Variants in DERA observed in about 807,000 individuals in gnomAD.
DERA encodes the protein deoxyribose-phosphate aldolase.
DERA carries 15 observed loss-of-function variants against 41.1 expected under a neutral mutation model. That is an observed-to-expected ratio of 0.37 (90% confidence interval 0.24 to 0.56). The LOEUF is 0.56. Among genes scored for constraint, DERA ranks in the 20% least tolerant of loss-of-function variants. The probability of loss-of-function intolerance (pLI) is 0.81; values close to 1 mark genes in which losing one functional copy is unlikely to be tolerated. For synonymous variants in DERA, 139 were observed against 137.4 expected, an observed-to-expected ratio of 1.01 and a Z score of -0.08; for missense variants, 396 against 403.4, an observed-to-expected ratio of 0.98 and a Z score of 0.16.
At chr12:16,028,549 C>A (rs577136103) in intron 6 of DERA, among the ~76,000 whole-genome samples, 12 of 152,278 alleles carry the variant, frequency 7.9e-5, no homozygotes, top group African/African-American at 2.9e-4. Flanking sequence ...ATAATGACTT[C>A]TTTTCAAAGA....
In DERA at chr12:15,984,288, T is replaced by C. The variant is rs1948750708; in HGVS notation, c.637+1852T>C. 6.6e-6 allele frequency among the ~76,000 whole-genome samples: 1 copy of C among 152,238 alleles called. No individual in the cohort carries two copies. The highest frequency in any genetic ancestry group is 2.4e-5 in the African/African-American group (1 of 41,552). On this transcript the variant is annotated intron_variant, in intron 6 of 8. Transcript: ENST00000428559. The surrounding 1 kb of genome is among the most constrained non-coding windows in gnomAD (Gnocchi z 4.5). ...TCCTACGCACAGCACCTACTACTCA[T>C]GATACAAATGTGGTATTAGGTCATC...
rs568761375 is a variant in DERA at position 16,003,114 on chromosome 12, GT to G, written c.637+20682del. On this transcript the variant is annotated intron_variant, in intron 6 of 8. Transcript: ENST00000428559. The surrounding 1 kb of genome is among the most constrained non-coding windows in gnomAD (Gnocchi z 4.8). ...TTCTGAGGGCTATGAGAAAGAATCT[GT>G]TTTGTGGCTCTCCCCTTACTTGCAG... 1.5e-3 allele frequency among the ~76,000 whole-genome samples: 227 copies of G among 152,264 alleles called. No individual in the cohort carries two copies. Among genetic ancestry groups the G allele is most frequent in the African/African-American group, 5.1e-3 (212 of 41,548 alleles).
chr12:15,946,429 A>T (rs1459406158), intron 1 of DERA, among the ~76,000 whole-genome samples: 1 of 152,074 alleles, frequency 6.6e-6, no homozygotes, highest in East Asian at 1.9e-4. Context: ...CTATTCAGGG[A>T]TTCAACTTCT....
In DERA at chr12:16,020,747, A is replaced by G. The variant is rs770479028; in HGVS notation, c.638-11795A>G. Reference sequence around the variant, plus strand: ...AAGGCTGAGGAGGTCTCAGATGGAAATGAGGAAGTTATTGAGAACTGGAGT... The same window carrying G: ...AAGGCTGAGGAGGTCTCAGATGGAAGTGAGGAAGTTATTGAGAACTGGAGT... On this transcript the variant is annotated intron_variant, in intron 6 of 8. Transcript: ENST00000428559. This position sits in a 1 kb window ranked among gnomAD's most constrained non-coding sequence, Gnocchi z 5.5. 5.3e-5 allele frequency among the ~76,000 whole-genome samples: 8 copies of G among 152,222 alleles called. No homozygotes were observed. Among genetic ancestry groups the G allele is most frequent in the Non-Finnish European group, 1.2e-4 (8 of 68,042 alleles).
chr12:15,977,298 C>T (rs998705399), intron 5 of DERA, among the ~76,000 whole-genome samples: 3 of 152,092 alleles, frequency 2.0e-5, no homozygotes, highest in African/African-American at 4.8e-5. Context: ...TGAGTGTACA[C>T]GTGCATGCAT....
At position 16,020,469 on chromosome 12, in the gene DERA, A is replaced by G. The variant is rs1465140473; in HGVS notation, c.638-12073A>G. 1.3e-5 allele frequency among the ~76,000 whole-genome samples: 2 copies of G among 152,208 alleles called. No homozygotes were observed. Among genetic ancestry groups the G allele is most frequent in the East Asian group, 1.9e-4 (1 of 5,196 alleles). On this transcript the variant is annotated intron_variant, in intron 6 of 8. Transcript: ENST00000428559. The surrounding 1 kb of genome is among the most constrained non-coding windows in gnomAD (Gnocchi z 5.5). ...TTGGGCAGAGACACAGACCTAAACC[A>G]TATCACTCAGCCTCAGATATTCCTT... is the stretch of plus-strand genomic sequence containing the variant.
intron 1 of DERA, among the ~76,000 whole-genome samples, chr12:15,953,625 C>G (rs1948515464): frequency 6.6e-6 from 1 of 152,146 alleles, no homozygotes. Flanking sequence ...TATCTGTTCT[C>G]CCCAAAGGCA....
chr12:15,912,442 G>T (rs1485261117), intron 1 of DERA, among the ~76,000 whole-genome samples: 3 of 152,156 alleles, frequency 2.0e-5, no homozygotes. Context: ...TCAAGAGAAG[G>T]TTTAAGCGTC....
At chr12:16,025,522 T>C (rs1949047674) in intron 6 of DERA, among the ~76,000 whole-genome samples, 1 of 152,058 alleles carries the variant, frequency 6.6e-6, no homozygotes, top group South Asian at 2.1e-4. Flanking sequence ...TATGTATGTA[T>C]GCACCTAGCC....
rs1478910281 is a variant in DERA at position 15,965,253 on chromosome 12, A to G, written c.508+2306A>G. On this transcript the variant is annotated intron_variant, in intron 5 of 8. Coordinates refer to ENST00000428559, the MANE Select transcript of DERA (RefSeq NM_015954.4). This position sits in a 1 kb window ranked among gnomAD's most constrained non-coding sequence, Gnocchi z 4.1. ...CCAGGGCCCTCTCCCTTGTGCAGTG[A>G]GGTTTGTAGGATATTTGGTAAAGCA... 6.6e-6 allele frequency among the ~76,000 whole-genome samples: 1 copy of G among 152,162 alleles called. No homozygotes were observed. Among genetic ancestry groups the G allele is most frequent in the Non-Finnish European group, 1.5e-5 (1 of 68,020 alleles).
chr12:15,924,419 A>G lies in DERA; in HGVS notation c.31+13005A>G. ...TCTAAAATTAAAATGTATATATATAAAAGTTAAATAATTGAACTCAGTAAA... is the reference window on the plus strand; with the variant it reads ...TCTAAAATTAAAATGTATATATATAGAAGTTAAATAATTGAACTCAGTAAA... On this transcript the variant is annotated intron_variant, in intron 1 of 8. Transcript: ENST00000428559. This position sits in a 1 kb window ranked among gnomAD's most constrained non-coding sequence, Gnocchi z 5.0. Among the ~76,000 whole-genome samples the G allele has an allele frequency of 6.6e-6, 1 of 152,326 alleles. No homozygotes were observed. The highest frequency in any genetic ancestry group is 1.9e-4 in the East Asian group (1 of 5,186).
chr12:15,957,879 C>T lies in DERA; in HGVS notation c.130-309C>T, dbSNP rs1948552289. The stretch of plus-strand genomic sequence containing the variant: ...TCAGGGTGGCTCTGATGGGCTCTCC[C>T]TTTGGCTGAGATGGAGTAGTCAGAA... On this transcript the variant is annotated intron_variant, in intron 2 of 8. Coordinates refer to ENST00000428559, the MANE Select transcript of DERA (RefSeq NM_015954.4). The surrounding 1 kb of genome is among the most constrained non-coding windows in gnomAD (Gnocchi z 4.8). Among the ~76,000 whole-genome samples, 1 of 152,106 alleles carries T rather than the reference C, an allele frequency of 6.6e-6. No individual in the cohort carries two copies. Among genetic ancestry groups the T allele is most frequent in the South Asian group, 2.1e-4 (1 of 4,832 alleles).
rs1168008929 is a variant in DERA at position 16,014,055 on chromosome 12, A to G, written c.638-18487A>G. 6.6e-6 allele frequency among the ~76,000 whole-genome samples: 1 copy of G among 152,216 alleles called. No homozygotes were observed. Among genetic ancestry groups the G allele is most frequent in the African/African-American group, 2.4e-5 (1 of 41,466 alleles). On this transcript the variant is annotated intron_variant, in intron 6 of 8. Coordinates refer to ENST00000428559, the MANE Select transcript of DERA (RefSeq NM_015954.4). This position sits in a 1 kb window ranked among gnomAD's most constrained non-coding sequence, Gnocchi z 5.4. Reference sequence around the variant, plus strand: ...GAGGTGACTGGGTGTTCTTAAAAGCATTCAGATGTATGCCTTCACAAGGAG... The same window carrying G: ...GAGGTGACTGGGTGTTCTTAAAAGCGTTCAGATGTATGCCTTCACAAGGAG...
At chr12:16,006,128 A>G (rs773434083) in intron 6 of DERA, among the ~76,000 whole-genome samples, 4 of 152,236 alleles carry the variant, frequency 2.6e-5, no homozygotes, top group Non-Finnish European at 1.5e-5. Context: ...GATGAGAACT[A>G]GATGTGGACT....
In DERA at chr12:15,984,897, A is replaced by G. The variant is rs1948754370; in HGVS notation, c.637+2461A>G. Reference sequence around the variant, plus strand: ...CCCAATTTTATATGTAACTTGCACAAACTAATCTCCCCAAAAGTAATTTAC... The same window carrying G: ...CCCAATTTTATATGTAACTTGCACAGACTAATCTCCCCAAAAGTAATTTAC... On this transcript the variant is annotated intron_variant, in intron 6 of 8. Transcript: ENST00000428559. The surrounding 1 kb of genome is among the most constrained non-coding windows in gnomAD (Gnocchi z 4.5). 6.6e-6 allele frequency among the ~76,000 whole-genome samples: 1 copy of G among 152,228 alleles called. No homozygotes were observed. Among genetic ancestry groups the G allele is most frequent in the African/African-American group, 2.4e-5 (1 of 41,470 alleles).
chr12:15,985,842 T>G lies in DERA; in HGVS notation c.637+3406T>G, dbSNP rs1277277555. Among the ~76,000 whole-genome samples the G allele has an allele frequency of 6.6e-6, 1 of 152,200 alleles. No individual in the cohort carries two copies. The highest frequency in any genetic ancestry group is 1.5e-5 in the Non-Finnish European group (1 of 68,024). ...CAAGTGCACTTAAAAGAATGTGTAT[T>G]TCAGATGTTAGAGCAAATGTCAGAT... On this transcript the variant is annotated intron_variant, in intron 6 of 8. Transcript: ENST00000428559. This position sits in a 1 kb window ranked among gnomAD's most constrained non-coding sequence, Gnocchi z 4.2.
rs1417529175 is a variant in DERA, at chr12:15,983,621, T to C, written c.637+1185T>C. On this transcript the variant is annotated intron_variant, in intron 6 of 8. Transcript: ENST00000428559. The surrounding 1 kb of genome is among the most constrained non-coding windows in gnomAD (Gnocchi z 6.2). ...TCATATAACTTATCACATGACATTGTGATTGAGTGTTGAATTTCTAGGTGT... is the reference window on the plus strand; with the variant it reads ...TCATATAACTTATCACATGACATTGCGATTGAGTGTTGAATTTCTAGGTGT... Among the ~76,000 whole-genome samples the C allele has an allele frequency of 1.3e-5, 2 of 152,196 alleles. No individual in the cohort carries two copies. The highest frequency in any genetic ancestry group is 4.8e-5 in the African/African-American group (2 of 41,444).
At chr12:15,968,089 T>C (rs914948811) in intron 5 of DERA, among the ~76,000 whole-genome samples, 1 of 150,720 alleles carries the variant, frequency 6.6e-6, no homozygotes, top group Non-Finnish European at 1.5e-5. Context: ...TCTTCTTCTT[T>C]TTTTTTTTTT....
rs1420332733 is a variant in DERA, at chr12:15,984,853, A to T, written c.637+2417A>T. Reference sequence around the variant, plus strand: ...TTTGATGAACTTGAAATATTTTGAAATATTTTTTATATTCTTGTCCCAATT... The same window carrying T: ...TTTGATGAACTTGAAATATTTTGAATTATTTTTTATATTCTTGTCCCAATT... On this transcript the variant is annotated intron_variant, in intron 6 of 8. Coordinates refer to ENST00000428559, the MANE Select transcript of DERA (RefSeq NM_015954.4). This position sits in a 1 kb window ranked among gnomAD's most constrained non-coding sequence, Gnocchi z 4.5. 6.6e-6 allele frequency among the ~76,000 whole-genome samples: 1 copy of T among 152,218 alleles called. No homozygotes were observed. Among genetic ancestry groups the T allele is most frequent in the Non-Finnish European group, 1.5e-5 (1 of 68,052 alleles).
Sources: allele counts gnomAD v4.1 joint callset (sites outside exome capture counted in the v4.1 genomes callset), GRCh38; gene constraint gnomAD v4.1.1; non-coding constraint Gnocchi (gnomAD v3.1); transcripts MANE v1.5; gene names NCBI Gene and HGNC (gene_info 2026-07-23, HGNC 2026-07-21).